NUBPL: variants seen among roughly 807,000 people sequenced by gnomAD.
NUBPL encodes the protein NUBP iron-sulfur cluster assembly factor, mitochondrial, also known as iron-sulfur cluster transfer protein NUBPL.
NUBPL carries 31 observed loss-of-function variants against 45.7 expected under a neutral mutation model. That is an observed-to-expected ratio of 0.68 (90% CI 0.51 to 0.92). The LOEUF (loss-of-function observed/expected upper bound fraction) is 0.92, where lower values mean the gene tolerates loss of function less well. Ranked by LOEUF, NUBPL falls within the 40% of genes least tolerant of loss-of-function variation. The pLI is 0.00. For synonymous variants in NUBPL, 144 were observed against 140.9 expected, an observed-to-expected ratio of 1.02 and a Z score of -0.15; for missense variants, 401 against 398.7, an observed-to-expected ratio of 1.01 and a Z score of -0.05.
chr14:31,736,393 C>T (rs1366305516), intron 6 of NUBPL, among the ~76,000 whole-genome samples: 3 of 152,088 alleles, frequency 2.0e-5, no homozygotes. Context: ...ATACTCAATA[C>T]TCACTCTCAG....
At chr14:31,648,273 A>C (rs1352473016) in intron 4 of NUBPL, among the ~76,000 whole-genome samples, 1 of 152,212 alleles carries the variant, frequency 6.6e-6, no homozygotes, top group Non-Finnish European at 1.5e-5. Context: ...TGCTTTAAAA[A>C]ATTAAAAGTA....
At chr14:31,706,442 G>A (rs1051428996) in intron 6 of NUBPL, among the ~76,000 whole-genome samples, 1 of 152,214 alleles carries the variant, frequency 6.6e-6, no homozygotes, top group Non-Finnish European at 1.5e-5. Flanking sequence ...AGGGTCCAAA[G>A]GTGAGTAACA....
intron 7 of NUBPL, among the ~76,000 whole-genome samples, chr14:31,801,807 G>T (rs1430429): frequency 1 from 151,903 of 152,306 alleles, 75,752 homozygotes; most frequent in Middle Eastern, 1. Context: ...TTCCCTCTGT[G>T]TTCTTCCAGG....
chr14:31,755,075 C>T (rs1202461915), intron 6 of NUBPL, among the ~76,000 whole-genome samples: 1 of 151,904 alleles, frequency 6.6e-6, no homozygotes, highest in Non-Finnish European at 1.5e-5. Flanking sequence ...ATATGTGCCA[C>T]ATTTTCTTAA....
chr14:31,840,429 C>G (rs1274101282), intron 8 of NUBPL, among the ~76,000 whole-genome samples: 1 of 152,010 alleles, frequency 6.6e-6, no homozygotes, highest in Non-Finnish European at 1.5e-5. Flanking sequence ...AAAAAATTAG[C>G]CAGACGTGGT....
intron 6 of NUBPL, among the ~76,000 whole-genome samples, chr14:31,691,443 A>G (rs1465223509): frequency 2.0e-5 from 3 of 152,218 alleles, no homozygotes; most frequent in Non-Finnish European, 4.4e-5. Context: ...CAAAAGTTAT[A>G]TGCATATTTT....
intron 4 of NUBPL, among the ~76,000 whole-genome samples, chr14:31,599,687 G>T (rs2034375572): frequency 6.6e-6 from 1 of 152,096 alleles, no homozygotes; most frequent in Non-Finnish European, 1.5e-5. Context: ...ATTTAAGAAA[G>T]ATTAATAAAA....
intron 6 of NUBPL, among the ~76,000 whole-genome samples, chr14:31,681,839 T>C (rs1294179009): frequency 6.6e-6 from 1 of 152,146 alleles, no homozygotes; most frequent in East Asian, 1.9e-4. Context: ...ATCTTCTTAA[T>C]AACTTAATGG....
At chr14:31,797,898 C>T (rs2138851457) in intron 7 of NUBPL, among the ~76,000 whole-genome samples, 1 of 137,024 alleles carries the variant, frequency 7.3e-6, no homozygotes, top group African/African-American at 2.9e-5. Flanking sequence ...ATGTTTAGCG[C>T]TTCCTTCAGG....
At chr14:31,659,592 C>T (rs1348609538) in intron 4 of NUBPL, among the ~76,000 whole-genome samples, 5 of 152,080 alleles carry the variant, frequency 3.3e-5, no homozygotes, top group African/African-American at 1.2e-4. Context: ...TATAAGATGG[C>T]AAGTTTTAGA....
intron 4 of NUBPL, among the ~76,000 whole-genome samples, chr14:31,621,982 T>C (rs2035075865): frequency 6.6e-6 from 1 of 152,174 alleles, no homozygotes; most frequent in Admixed American, 6.5e-5. Flanking sequence ...TCCTAGTGTC[T>C]GGTTGAATGG....
At chr14:31,839,265 A>G (rs2040331973) in intron 8 of NUBPL, among the ~76,000 whole-genome samples, 1 of 152,154 alleles carries the variant, frequency 6.6e-6, no homozygotes, top group Non-Finnish European at 1.5e-5. Flanking sequence ...AAACATACCC[A>G]CTGTTTGTAT....
At chr14:31,722,554 A>G (rs1463708938) in intron 6 of NUBPL, among the ~76,000 whole-genome samples, 4 of 152,208 alleles carry the variant, frequency 2.6e-5, no homozygotes, top group Admixed American at 1.3e-4. Context: ...TTACACTCCC[A>G]TCAACAATGT....
At chr14:31,808,967 C>A (rs1442121847) in intron 7 of NUBPL, among the ~76,000 whole-genome samples, 1 of 152,108 alleles carries the variant, frequency 6.6e-6, no homozygotes, top group East Asian at 1.9e-4. Flanking sequence ...GGGATGAATC[C>A]AACTTGATCA....
At chr14:31,801,661 G>C (rs978979463) in intron 7 of NUBPL, among the ~76,000 whole-genome samples, 1 of 152,136 alleles carries the variant, frequency 6.6e-6, no homozygotes, top group Non-Finnish European at 1.5e-5. Flanking sequence ...ATTTTGATAG[G>C]TTAGTTAGAA....
At chr14:31,688,627 A>G (rs2037015123) in intron 6 of NUBPL, among the ~76,000 whole-genome samples, 1 of 148,008 alleles carries the variant, frequency 6.8e-6, no homozygotes, top group Non-Finnish European at 1.5e-5. Flanking sequence ...TTGAGGAGAA[A>G]GGCTATCTGC....
intron 3 of NUBPL, among the ~76,000 whole-genome samples, chr14:31,591,282 C>A (rs1329027081): frequency 1.3e-5 from 2 of 152,138 alleles, no homozygotes; most frequent in Admixed American, 1.3e-4. Flanking sequence ...CCTGCCTCAG[C>A]CTCCCAAGTA....
At chr14:31,768,655 A>G (rs914937504) in intron 6 of NUBPL, among the ~76,000 whole-genome samples, 1 of 152,210 alleles carries the variant, frequency 6.6e-6, no homozygotes, top group African/African-American at 2.4e-5. Context: ...CTCCTGTCCA[A>G]AGACAGAGAC....
intron 6 of NUBPL, among the ~76,000 whole-genome samples, chr14:31,701,200 C>CT (rs1021187044): frequency 1.3e-5 from 2 of 151,926 alleles, no homozygotes; most frequent in Non-Finnish European, 2.9e-5. Context: ...AGTCAGCACT[C>CT]TGTGTCTAGC....
Sources: allele counts gnomAD v4.1 joint callset (sites outside exome capture counted in the v4.1 genomes callset), GRCh38; gene constraint gnomAD v4.1.1; transcripts MANE v1.5; gene names NCBI Gene and HGNC (gene_info 2026-07-23, HGNC 2026-07-21).